MTUS2: variants seen among roughly 807,000 people sequenced by gnomAD.
MTUS2 encodes the protein microtubule associated scaffold protein 2.
A neutral mutation model predicts 114.1 loss-of-function variants in MTUS2; 40 were observed. The observed-to-expected ratio is 0.35, with a 90% confidence interval of 0.27 to 0.46. MTUS2 has a LOEUF of 0.46. Ranked by LOEUF, MTUS2 falls within the 20% of genes least tolerant of loss-of-function variation. The pLI is 1.00. For missense variants in MTUS2, 1,679 were observed against 1,705.4 expected (o/e 0.98, Z 0.27); for synonymous variants, 688 against 672.0 (o/e 1.02, Z -0.37).
In MTUS2 at chr13:29,367,689, G is replaced by A. The variant is rs141809194; in HGVS notation, c.3117+8216G>A. Among the ~76,000 whole-genome samples, 816 of 152,244 alleles carry A rather than the reference G, an allele frequency of 5.4e-3. 5 individuals are homozygous for A. Among genetic ancestry groups the A allele is most frequent in the African/African-American group, 0.019 (776 of 41,548 alleles). On this transcript the variant is annotated intron_variant, in intron 8 of 15. Coordinates refer to ENST00000612955, the MANE Select transcript of MTUS2 (RefSeq NM_001033602.4). ...CCTGACAACTAAGTGGATTCAAGAT[G>A]CCCAGACGATAAAGGATGAACCCAC...
At chr13:29,042,719 A>G (rs564615741) in intron 4 of MTUS2, among the ~76,000 whole-genome samples, 2 of 152,142 alleles carry the variant, frequency 1.3e-5, no homozygotes, top group East Asian at 3.9e-4. Flanking sequence ...CCAGGAACTT[A>G]TTTATCTCCT....
chr13:29,249,798 G>C (rs1897060532), intron 5 of MTUS2, among the ~76,000 whole-genome samples: 1 of 152,024 alleles, frequency 6.6e-6, no homozygotes, highest in East Asian at 1.9e-4. Context: ...TTAATAAATG[G>C]TTCTGGGAAA....
At chr13:29,425,153 C>T (rs1338789070) in intron 8 of MTUS2, among the ~76,000 whole-genome samples, 7 of 152,186 alleles carry the variant, frequency 4.6e-5, no homozygotes, top group Non-Finnish European at 7.3e-5. Flanking sequence ...GTGGCTCACA[C>T]CTGTAATCCC....
intron 5 of MTUS2, among the ~76,000 whole-genome samples, chr13:29,263,360 C>A (rs749958043): frequency 6.6e-6 from 1 of 152,078 alleles, no homozygotes; most frequent in Non-Finnish European, 1.5e-5. Context: ...TTATTGGGCT[C>A]CTGGAGTTCT....
Position 29,316,126 on chromosome 13 carries a change from A to G in MTUS2, c.2807-8487A>G, listed in dbSNP as rs557909754. On this transcript the variant is annotated intron_variant, in intron 6 of 15. Transcript: ENST00000612955. The stretch of plus-strand genomic sequence containing the variant: ...AACCATGCTGTAAGAATAGTGTTCA[A>G]TTAGCCAGCAAGAACCTTGGAACCT... Among the ~76,000 whole-genome samples the G allele has an allele frequency of 5.9e-5, 9 of 152,304 alleles. No individual in the cohort carries two copies. In the East Asian group the frequency reaches 1.5e-3, roughly 26 times the overall value.
chr13:29,145,428 G>A (rs1242078933), intron 5 of MTUS2, among the ~76,000 whole-genome samples: 2 of 152,202 alleles, frequency 1.3e-5, no homozygotes, highest in East Asian at 3.9e-4. Context: ...GTTGAGGCAG[G>A]AGAATTGCTC....
intron 2 of MTUS2, among the ~76,000 whole-genome samples, chr13:28,952,277 A>G (rs576358102): frequency 1.3e-5 from 2 of 152,360 alleles, no homozygotes; most frequent in East Asian, 1.9e-4. Context: ...ACAACCTCAC[A>G]CATAACTTTC....
At chr13:28,906,533 T>A (rs148029373) in intron 2 of MTUS2, among the ~76,000 whole-genome samples, 4,839 of 151,550 alleles carry the variant, frequency 0.032, 352 homozygotes, top group African/African-American at 0.11. Flanking sequence ...ATTCAGGAGC[T>A]GGTTGTTCAG....
intron 4 of MTUS2, among the ~76,000 whole-genome samples, chr13:29,057,609 G>A (rs188559265): frequency 1.4e-4 from 21 of 152,192 alleles, no homozygotes; most frequent in Admixed American, 9.8e-4. Flanking sequence ...CCTGAAATTA[G>A]AATAGCAATC....
At chr13:29,345,307 G>T in intron 7 of MTUS2, among the ~76,000 whole-genome samples, 1 of 151,628 alleles carries the variant, frequency 6.6e-6, no homozygotes, top group East Asian at 1.9e-4. Context: ...TGTTACATTT[G>T]GTCATTTAAC....
intron 2 of MTUS2, among the ~76,000 whole-genome samples, chr13:28,988,568 G>A (rs1414972660): frequency 6.6e-6 from 1 of 152,104 alleles, no homozygotes. Context: ...AACAAATCAG[G>A]AAAAACAATG....
At chr13:28,909,178 T>C (rs1274625228) in intron 2 of MTUS2, among the ~76,000 whole-genome samples, 1 of 151,522 alleles carries the variant, frequency 6.6e-6, no homozygotes, top group Non-Finnish European at 1.5e-5. Context: ...TGCGGGCTTT[T>C]TTTTGGTTCC....
chr13:29,015,926 A>G (rs1329062132), intron 2 of MTUS2, among the ~76,000 whole-genome samples: 1 of 151,482 alleles, frequency 6.6e-6, no homozygotes, highest in African/African-American at 2.4e-5. Context: ...TTTTTTTTAG[A>G]TGAAGTCTCG....
rs139362041 is a variant in MTUS2, at chr13:28,856,542, G to T, written c.-243+16692G>T. On this transcript the variant is annotated intron_variant, in intron 2 of 15. Transcript: ENST00000612955. ...AAGCCCAAGCGATAATGGGCCATCA[G>T]CTGGAAACAGGGCTTCTGTTGTCAC... 1.4e-3 allele frequency among the ~76,000 whole-genome samples: 209 copies of T among 152,334 alleles called. 3 individuals carry two copies. The highest frequency in any genetic ancestry group is 4.6e-3 in the African/African-American group (192 of 41,564).
intron 2 of MTUS2, among the ~76,000 whole-genome samples, chr13:28,997,563 T>C (rs1885172380): frequency 6.6e-6 from 1 of 152,186 alleles, no homozygotes; most frequent in Admixed American, 6.5e-5. Context: ...GCTTTATGAA[T>C]CTGGGTGCTC....
intron 14 of MTUS2, among the ~76,000 whole-genome samples, chr13:29,498,853 C>T (rs946584772): frequency 3.3e-5 from 5 of 152,202 alleles, no homozygotes; most frequent in African/African-American, 1.2e-4. Context: ...AATGCAGCAT[C>T]CCTGATGCCC....
At chr13:29,440,761 T>G (rs984335022) in intron 9 of MTUS2, among the ~76,000 whole-genome samples, 1 of 152,028 alleles carries the variant, frequency 6.6e-6, no homozygotes, top group Non-Finnish European at 1.5e-5. Context: ...GCACTCCTCC[T>G]CCATCTAGTG....
chr13:29,222,792 G>A (rs1418481714), intron 5 of MTUS2, among the ~76,000 whole-genome samples: 1 of 152,242 alleles, frequency 6.6e-6, no homozygotes, highest in Non-Finnish European at 1.5e-5. Context: ...AGTGCCTGCT[G>A]TCACTGCCTG....
chr13:29,110,209 A>G (rs961982918), intron 5 of MTUS2, among the ~76,000 whole-genome samples: 2 of 152,222 alleles, frequency 1.3e-5, no homozygotes, highest in Non-Finnish European at 2.9e-5. Context: ...TGGCATTTAA[A>G]CCCTCTGCTC....
Sources: allele counts gnomAD v4.1 joint callset (sites outside exome capture counted in the v4.1 genomes callset), GRCh38; gene constraint gnomAD v4.1.1; transcripts MANE v1.5; gene names NCBI Gene and HGNC (gene_info 2026-07-23, HGNC 2026-07-21).